Variants in THSD7B observed in about 807,000 individuals in gnomAD.
THSD7B encodes thrombospondin type-1 domain-containing protein 7B.
THSD7B carries 138 observed loss-of-function variants against 213.6 expected under a neutral mutation model. The observed-to-expected ratio is 0.65, with a 90% CI of 0.56 to 0.74. The LOEUF (loss-of-function observed/expected upper bound fraction) is 0.74. Ranked by LOEUF, THSD7B falls within the 30% of genes least tolerant of loss-of-function variation. THSD7B has a pLI of 0.00. For missense variants in THSD7B, 1,931 were observed against 1,991.5 expected (o/e 0.97, Z 0.58); for synonymous variants, 742 against 687.0 (o/e 1.08, Z -1.25).
rs74558209 is a variant in THSD7B at position 137,049,695 on chromosome 2, A to G, written c.140-6725A>G. On this transcript the variant is annotated intron_variant, in intron 2 of 27. Transcript: ENST00000409968. ...CTGATGTTCTCAAGCAAACAAAGGC[A>G]GGAAGGATCTCATTTCACATAACAA... 6.1e-3 allele frequency among the ~76,000 whole-genome samples: 936 copies of G among 152,320 alleles called. 15 individuals are homozygous for G. Among genetic ancestry groups the G allele is most frequent in the East Asian group, 0.043 (222 of 5,180 alleles).
chr2:137,283,764 G>A (rs1195713665), intron 12 of THSD7B, among the ~76,000 whole-genome samples: 1 of 152,094 alleles, frequency 6.6e-6, no homozygotes, highest in Non-Finnish European at 1.5e-5. Context: ...TGATCATGGT[G>A]GATAAGCTTT....
At chr2:137,001,103 GT>G (rs1337001114) in intron 2 of THSD7B, among the ~76,000 whole-genome samples, 1 of 152,010 alleles carries the variant, frequency 6.6e-6, no homozygotes, top group Non-Finnish European at 1.5e-5. Context: ...ATGCACTGCA[GT>G]TTTTTTCATG....
intron 5 of THSD7B, among the ~76,000 whole-genome samples, chr2:137,133,948 G>A (rs1311116632): frequency 6.6e-6 from 1 of 152,168 alleles, no homozygotes; most frequent in Non-Finnish European, 1.5e-5. Flanking sequence ...TGGCTACCAT[G>A]TTGGACAGTG....
chr2:136,890,306 T>C (rs34622901), intron 2 of THSD7B, among the ~76,000 whole-genome samples: 3 of 114 alleles, frequency 0.026, no homozygotes, highest in African/African-American at 0.042. Context: ...TCCTACTCCT[T>C]CTTCTTCTTC....
intron 9 of THSD7B, among the ~76,000 whole-genome samples, chr2:137,241,864 G>A (rs555053486): frequency 4.0e-5 from 6 of 150,660 alleles, no homozygotes; most frequent in East Asian, 4.0e-4. Flanking sequence ...AGCCGAGATC[G>A]TGCCACTGCA....
rs916203336 is a variant in THSD7B at position 137,405,808 on chromosome 2, G to A, written c.2695+1G>A. 2 of 1,608,254 alleles carry A rather than the reference G, an allele frequency of 1.2e-6. No individual in the cohort carries two copies. The highest frequency in any genetic ancestry group is 1.7e-6 in the Non-Finnish European group (2 of 1,177,282). Reference sequence around the variant, plus strand: ...AAAAGTAGGCGGCGACAGCTCACAGGTATAGTGTGCATTTTACTCTTTAGC... The same window carrying A: ...AAAAGTAGGCGGCGACAGCTCACAGATATAGTGTGCATTTTACTCTTTAGC... On this transcript the variant is annotated splice_donor_variant, in intron 13 of 27. Coordinates refer to ENST00000409968, the MANE Select transcript of THSD7B (RefSeq NM_001316349.2). LOFTEE classifies it high-confidence loss of function.
intron 6 of THSD7B, among the ~76,000 whole-genome samples, chr2:137,167,736 A>G (rs1680165956): frequency 6.6e-6 from 1 of 152,202 alleles, no homozygotes; most frequent in South Asian, 2.1e-4. Flanking sequence ...CCCTGCAGAT[A>G]CTAGTTTCAC....
intron 12 of THSD7B, among the ~76,000 whole-genome samples, chr2:137,399,229 G>C (rs1302881856): frequency 1.4e-5 from 2 of 140,800 alleles, no homozygotes; most frequent in African/African-American, 5.3e-5. Context: ...GTCTTGCTCT[G>C]TTTCCCAGGT....
intron 9 of THSD7B, among the ~76,000 whole-genome samples, chr2:137,238,752 A>C (rs1293907684): frequency 6.7e-6 from 1 of 149,512 alleles, no homozygotes; most frequent in South Asian, 2.1e-4. Flanking sequence ...ACGGGGTTTC[A>C]CCTTGTTAGC....
At chr2:136,898,207 T>C (rs1683997526) in intron 2 of THSD7B, among the ~76,000 whole-genome samples, 1 of 152,252 alleles carries the variant, frequency 6.6e-6, no homozygotes, top group African/African-American at 2.4e-5. Context: ...CTCATCTCTT[T>C]AATTTCCTTC....
chr2:137,201,594 C>T (rs1267276699), intron 7 of THSD7B, among the ~76,000 whole-genome samples: 1 of 152,060 alleles, frequency 6.6e-6, no homozygotes, highest in African/African-American at 2.4e-5. Context: ...CATTATTTGT[C>T]AATTTAAAAA....
chr2:136,818,395 T>A (rs1163634054), intron 1 of THSD7B, among the ~76,000 whole-genome samples: 1 of 139,016 alleles, frequency 7.2e-6, no homozygotes, highest in East Asian at 2.2e-4. Context: ...TGGGGACTGT[T>A]GTGGGGTGGG....
rs1187758692 is a variant in THSD7B, at chr2:136,964,570, C to T, written c.139+82253C>T. 2.6e-5 allele frequency among the ~76,000 whole-genome samples: 4 copies of T among 152,180 alleles called. No individual in the cohort carries two copies. The East Asian group carries it at 7.7e-4, about 29-fold the overall frequency. On this transcript the variant is annotated intron_variant, in intron 2 of 27. Transcript: ENST00000409968. ...ACCCTCTTTTTTTGCGTTATCAACA[C>T]ATTTTCTCCCTACTTAAACGTTCCT... is the stretch of plus-strand genomic sequence containing the variant.
At chr2:137,540,182 T>C (rs550425775) in intron 15 of THSD7B, among the ~76,000 whole-genome samples, 1 of 151,808 alleles carries the variant, frequency 6.6e-6, no homozygotes, top group Admixed American at 6.6e-5. Context: ...TGAATGAGCA[T>C]GGCTGTGACT....
intron 15 of THSD7B, among the ~76,000 whole-genome samples, chr2:137,516,656 G>A (rs572730152): frequency 1.7e-4 from 26 of 152,210 alleles, no homozygotes; most frequent in Admixed American, 1.7e-3. Flanking sequence ...TGGCTCCAGT[G>A]GGTCCACGGA....
chr2:137,601,988 G>A (rs1045560895), intron 17 of THSD7B, among the ~76,000 whole-genome samples: 3 of 152,162 alleles, frequency 2.0e-5, no homozygotes, highest in African/African-American at 7.2e-5. Context: ...TTTTATCTCT[G>A]TTCACTGTGT....
chr2:137,273,899 TA>T (rs1682809700), intron 11 of THSD7B, among the ~76,000 whole-genome samples: 1 of 152,066 alleles, frequency 6.6e-6, no homozygotes, highest in Admixed American at 6.6e-5. Flanking sequence ...TGAAAAAAAT[TA>T]GCCAAATCAA....
intron 20 of THSD7B, among the ~76,000 whole-genome samples, chr2:137,634,331 T>A (rs374570789): frequency 3.6e-4 from 55 of 152,288 alleles, no homozygotes; most frequent in African/African-American, 1.2e-3. Context: ...AATAATAATG[T>A]CATTCATAGA....
intron 4 of THSD7B, among the ~76,000 whole-genome samples, chr2:137,099,359 A>C (rs989570726): frequency 6.6e-6 from 1 of 152,172 alleles, no homozygotes; most frequent in East Asian, 1.9e-4. Context: ...GCATTCTAAC[A>C]CTGCAGGATA....
Sources: allele counts gnomAD v4.1 joint callset (sites outside exome capture counted in the v4.1 genomes callset), GRCh38; gene constraint gnomAD v4.1.1; transcripts MANE v1.5; gene names NCBI Gene and HGNC (gene_info 2026-07-23, HGNC 2026-07-21).